Variants in LRMDA observed in about 807,000 individuals in gnomAD.
LRMDA encodes the protein leucine rich melanocyte differentiation associated.
LRMDA carries 18 observed loss-of-function variants against 29.8 expected under a neutral mutation model. That is an observed-to-expected ratio of 0.60 (90% CI 0.42 to 0.90). LRMDA has a LOEUF of 0.90. Ranked by LOEUF, LRMDA falls within the 40% of genes least tolerant of loss-of-function variation. LRMDA has a pLI of 0.00. For synonymous variants in LRMDA, 125 were observed against 109.4 expected (o/e 1.14, Z -0.89); for missense variants, 273 against 273.9 (o/e 1.00, Z 0.02).
intron 5 of LRMDA, among the ~76,000 whole-genome samples, chr10:76,240,579 A>G (rs1429119827): frequency 2.7e-5 from 4 of 150,344 alleles, no homozygotes; most frequent in African/African-American, 9.8e-5. Context: ...GATTCCTTAA[A>G]GAACTAAAAG....
rs531795842 is a variant in LRMDA, at chr10:75,855,157, G to T, written c.132-180851G>T. Among the ~76,000 whole-genome samples, 143 of 152,220 alleles carry T rather than the reference G, an allele frequency of 9.4e-4. 1 individual carries two copies. The highest frequency in any genetic ancestry group is 3.2e-3 in the African/African-American group (134 of 41,542). ...GGAATCGCCAGACTGACTTCCACAA[G>T]GGTTGGACTAGTTTACAGTCCCACC... is the stretch of plus-strand genomic sequence containing the variant. On this transcript the variant is annotated intron_variant, in intron 2 of 6. Coordinates refer to ENST00000611255, the MANE Select transcript of LRMDA (RefSeq NM_001305581.2).
intron 2 of LRMDA, among the ~76,000 whole-genome samples, chr10:75,446,793 C>A (rs999997262): frequency 2.0e-5 from 3 of 152,114 alleles, no homozygotes; most frequent in Non-Finnish European, 4.4e-5. Context: ...ATTTTTTATC[C>A]CTGCCAGCTA....
chr10:75,712,072 A>G (rs1166980415), intron 2 of LRMDA, among the ~76,000 whole-genome samples: 1 of 152,120 alleles, frequency 6.6e-6, no homozygotes, highest in Non-Finnish European at 1.5e-5. Context: ...CATAAACTGC[A>G]CTTGACTACA....
intron 6 of LRMDA, among the ~76,000 whole-genome samples, chr10:76,430,457 G>A (rs1046132864): frequency 2.0e-5 from 3 of 152,170 alleles, no homozygotes; most frequent in Non-Finnish European, 4.4e-5. Context: ...AAGGAAAGGA[G>A]CTGATGGTAT....
intron 2 of LRMDA, among the ~76,000 whole-genome samples, chr10:76,023,423 G>A (rs577906727): frequency 6.6e-6 from 1 of 152,232 alleles, no homozygotes; most frequent in African/African-American, 2.4e-5. Context: ...CTTGAAACAT[G>A]CCCTGCTCTC....
intron 6 of LRMDA, among the ~76,000 whole-genome samples, chr10:76,394,978 T>C (rs1199615895): frequency 6.6e-6 from 1 of 152,140 alleles, no homozygotes; most frequent in Admixed American, 6.5e-5. Context: ...TTTTGTGCCT[T>C]CTTTTAGGCT....
intron 5 of LRMDA, among the ~76,000 whole-genome samples, chr10:76,293,559 A>G (rs1295958615): frequency 6.6e-6 from 1 of 152,196 alleles, no homozygotes; most frequent in Non-Finnish European, 1.5e-5. Flanking sequence ...GCCATAGTTT[A>G]GCTTTTACAA....
At chr10:75,450,334 T>A (rs2132030837) in intron 2 of LRMDA, 1 of 152,280 alleles carries the variant, frequency 6.6e-6, no homozygotes, top group East Asian at 1.9e-4. Context: ...CCCCCACCTC[T>A]GCACCACCTC....
At chr10:75,684,267 C>A (rs1010586673) in intron 2 of LRMDA, among the ~76,000 whole-genome samples, 2 of 152,120 alleles carry the variant, frequency 1.3e-5, no homozygotes, top group East Asian at 1.9e-4. Flanking sequence ...GCTTAGTAGA[C>A]CCTGTAGGCT....
At chr10:75,808,570 C>G (rs950129264) in intron 2 of LRMDA, among the ~76,000 whole-genome samples, 8 of 152,104 alleles carry the variant, frequency 5.3e-5, no homozygotes, top group Admixed American at 2.0e-4. Context: ...AGTGCAGTGG[C>G]GTGATCTCAG....
At chr10:75,675,750 A>G (rs1223395923) in intron 2 of LRMDA, among the ~76,000 whole-genome samples, 2 of 151,442 alleles carry the variant, frequency 1.3e-5, no homozygotes, top group Non-Finnish European at 2.9e-5. Context: ...TTACCAGTTG[A>G]TTTTTACAGT....
At chr10:75,872,300 C>CTT (rs200584025) in intron 2 of LRMDA, among the ~76,000 whole-genome samples, 8 of 145,630 alleles carry the variant, frequency 5.5e-5, no homozygotes, top group African/African-American at 1.0e-4. Context: ...CTCTCTCTCT[C>CTT]TTTTTTTTTT....
At chr10:75,831,981 C>G (rs913161746) in intron 2 of LRMDA, among the ~76,000 whole-genome samples, 4 of 152,356 alleles carry the variant, frequency 2.6e-5, no homozygotes, top group African/African-American at 2.4e-5. Flanking sequence ...CCATTTTCTC[C>G]TAGGCCTCTG....
rs1844864731 is a variant in LRMDA, at chr10:75,482,425, G to A, written c.131+43931G>A. Among the ~76,000 whole-genome samples, 6 of 152,294 alleles carry A rather than the reference G, an allele frequency of 3.9e-5. No individual in the cohort carries two copies. In the South Asian group the frequency reaches 1.2e-3, roughly 32 times the overall value. On this transcript the variant is annotated intron_variant, in intron 2 of 6. Coordinates refer to ENST00000611255, the MANE Select transcript of LRMDA (RefSeq NM_001305581.2). ...TTATTTTAAACCACTGAATTTTGGT[G>A]TAGCTTGTTAGGCAGAATCATCTTG...
At chr10:76,345,017 T>A (rs1841085776) in intron 6 of LRMDA, among the ~76,000 whole-genome samples, 1 of 150,566 alleles carries the variant, frequency 6.6e-6, no homozygotes, top group Non-Finnish European at 1.5e-5. Flanking sequence ...AGAAATACTC[T>A]TGATTTTATT....
intron 2 of LRMDA, among the ~76,000 whole-genome samples, chr10:75,633,658 A>C (rs1841355574): frequency 6.6e-6 from 1 of 152,220 alleles, no homozygotes; most frequent in South Asian, 2.1e-4. Flanking sequence ...AACTGTATCA[A>C]AGTGGACTTG....
At chr10:76,415,613 TGTGTGTGTGC>T (rs1261472601) in intron 6 of LRMDA, among the ~76,000 whole-genome samples, 1 of 124,284 alleles carries the variant, frequency 8.0e-6, no homozygotes, top group Non-Finnish European at 1.9e-5. Context: ...TGTGTGTGTG[TGTGTGTGTGC>T]GTGTGTGTAT....
chr10:75,602,566 C>T (rs971633088), intron 2 of LRMDA, among the ~76,000 whole-genome samples: 1 of 152,152 alleles, frequency 6.6e-6, no homozygotes, highest in African/African-American at 2.4e-5. Context: ...GTTGATCCCC[C>T]TAGTCATTTG....
intron 2 of LRMDA, among the ~76,000 whole-genome samples, chr10:75,656,137 T>C (rs772721467): frequency 3.3e-5 from 5 of 152,242 alleles, no homozygotes; most frequent in Non-Finnish European, 5.9e-5. Context: ...TAGTAGTTTT[T>C]TGAACAATTA....
Sources: allele counts gnomAD v4.1 joint callset (sites outside exome capture counted in the v4.1 genomes callset), GRCh38; gene constraint gnomAD v4.1.1; transcripts MANE v1.5; gene names NCBI Gene and HGNC (gene_info 2026-07-23, HGNC 2026-07-21).